Variants in ARHGAP5 observed in about 807,000 individuals in gnomAD.
The protein encoded by ARHGAP5 is rho GTPase-activating protein 5.
Under a neutral mutation model 116.6 loss-of-function variants are expected in ARHGAP5, and 23 were observed. That is an observed-to-expected ratio of 0.20 (90% confidence interval 0.14 to 0.28). The LOEUF (loss-of-function observed/expected upper bound fraction) is 0.28. ARHGAP5 is among the 10% of genes least tolerant of loss of function. The pLI is 1.00. For missense variants in ARHGAP5, 1,405 were observed against 1,774.8 expected (o/e 0.79, Z 3.74); for synonymous variants, 574 against 602.0 (o/e 0.95, Z 0.68).
chr14:32,086,241 G>A (rs2139004797), intron 1 of ARHGAP5, among the ~76,000 whole-genome samples: 1 of 152,260 alleles, frequency 6.6e-6, no homozygotes, highest in South Asian at 2.1e-4. Context: ...GAGAAAGGTA[G>A]AATAGTATTA....
Position 32,117,269 on chromosome 14 carries a change from G to A in ARHGAP5, c.3847G>A (p.Glu1283Lys), listed in dbSNP as rs1336345498. ...PIPLFVEKCV[E>K]FIEDTGLCTE... ...ACCACTATTTGTTGAGAAATGTGTGGAATTTATTGAAGATACAGGTAGGAT... is the reference window on the plus strand; with the variant it reads ...ACCACTATTTGTTGAGAAATGTGTGAAATTTATTGAAGATACAGGTAGGAT... The change falls in exon 3 of 7, where the codon GAA (glutamate) becomes AAA (lysine). Residue 1283 changes from glutamate (E) to lysine (K), a missense_variant. Transcript: ENST00000345122. 1.2e-6 allele frequency: 2 copies of A among 1,602,418 alleles called. No homozygotes were observed. The highest frequency in any genetic ancestry group is 3.4e-5 in the Admixed American group (2 of 59,256).
At chr14:32,085,275 C>T (rs765058712) in intron 1 of ARHGAP5, among the ~76,000 whole-genome samples, 54 of 152,014 alleles carry the variant, frequency 3.6e-4, no homozygotes, top group Admixed American at 7.2e-4. Flanking sequence ...AGGAGAACCC[C>T]TCTCTACAAA....
intron 6 of ARHGAP5, among the ~76,000 whole-genome samples, chr14:32,153,058 T>G (rs902230719): frequency 4.2e-5 from 6 of 142,222 alleles, no homozygotes; most frequent in African/African-American, 7.5e-5. Context: ...TTTGTTTTTT[T>G]TTTTTTTTAA....
intron 2 of ARHGAP5, among the ~76,000 whole-genome samples, chr14:32,104,016 T>C (rs1878902653): frequency 6.6e-6 from 1 of 152,158 alleles, no homozygotes; most frequent in South Asian, 2.1e-4. Flanking sequence ...CCTTTGAAAA[T>C]CTGAGTCAAG....
intron 3 of ARHGAP5, among the ~76,000 whole-genome samples, chr14:32,144,528 G>A (rs191444241): frequency 1.3e-5 from 2 of 151,938 alleles, no homozygotes; most frequent in Admixed American, 6.6e-5. Context: ...CTGTCGCCGA[G>A]GCTGGAGTGC....
rs769651926 is a variant in ARHGAP5 at position 32,093,219 on chromosome 14, G to A, written c.2550G>A (p.Gly850=). Residue 850 remains glycine, a synonymous_variant, in exon 2 of 7, where the codon GGG becomes GGA. Coordinates refer to ENST00000345122, the MANE Select transcript of ARHGAP5 (RefSeq NM_001030055.2). ...IGVRKDELVH[G]YILVYSAKRK... The stretch of plus-strand genomic sequence containing the variant: ...TAAGAAAAGATGAACTAGTTCATGG[G>A]TATATATTAGTTTACTCTGCAAAAC... 2.5e-5 allele frequency: 40 copies of A among 1,613,948 alleles called. No individual in the cohort carries two copies. Among genetic ancestry groups the A allele is most frequent in the Non-Finnish European group, 3.4e-5 (40 of 1,179,916 alleles).
chr14:32,147,215 A>G (rs1881418921), intron 4 of ARHGAP5, among the ~76,000 whole-genome samples: 1 of 152,224 alleles, frequency 6.6e-6, no homozygotes, highest in South Asian at 2.1e-4. Context: ...GTCTTAGAGT[A>G]AAGAAAAGCC....
At chr14:32,140,146 T>G (rs935591935) in intron 3 of ARHGAP5, among the ~76,000 whole-genome samples, 6 of 148,634 alleles carry the variant, frequency 4.0e-5, no homozygotes, top group African/African-American at 1.5e-4. Flanking sequence ...ACTTTAAGTT[T>G]TAGGGTACAT....
At chr14:32,094,603 T>A (rs1187203367) in intron 2 of ARHGAP5, among the ~76,000 whole-genome samples, 1 of 152,164 alleles carries the variant, frequency 6.6e-6, no homozygotes, top group African/African-American at 2.4e-5. Flanking sequence ...AGCATAAAAA[T>A]TCTTGGTGAA....
rs1882025878 is a variant in ARHGAP5 at position 32,159,557 on chromosome 14, T to A, written c.*4609T>A. On this transcript the variant is annotated 3_prime_UTR_variant, in exon 7 of 7. Coordinates refer to ENST00000345122, the MANE Select transcript of ARHGAP5 (RefSeq NM_001030055.2). The stretch of plus-strand genomic sequence containing the variant: ...ATATGTATTTGCTCACCAGATCATT[T>A]TCTTGGGACCTTGAACTGTGAATGT... The A allele has an allele frequency of 6.6e-6, 1 of 152,194 alleles. No individual in the cohort carries two copies. The highest frequency in any genetic ancestry group is 1.5e-5 in the Non-Finnish European group (1 of 68,010). 9.4% of individuals were successfully genotyped at this position (152,194 alleles called of 1,614,324 possible).
At position 32,154,917 on chromosome 14, in the gene ARHGAP5, A is replaced by T; in HGVS notation, c.4478A>T (p.Gln1493Leu). Residue 1493 changes from glutamine to leucine, a missense_variant, in exon 7 of 7, where the codon CAA (glutamine) becomes CTA (leucine). Coordinates refer to ENST00000345122, the MANE Select transcript of ARHGAP5 (RefSeq NM_001030055.2). ...PPLQPQLIQPQLQTDPLGII is the reference protein window; with the variant it reads ...PPLQPQLIQPLLQTDPLGII ...TTGCAACCTCAGCTGATACAACCACAATTACAAACGGATCCTCTTGGTATT... is the reference window on the plus strand; with the variant it reads ...TTGCAACCTCAGCTGATACAACCACTATTACAAACGGATCCTCTTGGTATT... The T allele has an allele frequency of 6.2e-7, 1 of 1,613,782 alleles. No homozygotes were observed. The highest frequency in any genetic ancestry group is 1.1e-5 in the South Asian group (1 of 91,076).
chr14:32,103,805 G>T (rs1300817883), intron 2 of ARHGAP5, among the ~76,000 whole-genome samples: 2 of 152,066 alleles, frequency 1.3e-5, no homozygotes, highest in African/African-American at 4.8e-5. Flanking sequence ...CTTAATCTGT[G>T]ACTTTTAAAG....
intron 2 of ARHGAP5, among the ~76,000 whole-genome samples, chr14:32,111,395 G>T (rs1879289530): frequency 6.6e-6 from 1 of 152,208 alleles, no homozygotes; most frequent in Non-Finnish European, 1.5e-5. Flanking sequence ...CTCTTTAGAA[G>T]TCCAGTGAAG....
intron 4 of ARHGAP5, among the ~76,000 whole-genome samples, chr14:32,147,379 G>A (rs1483946264): frequency 6.6e-6 from 1 of 152,118 alleles, no homozygotes; most frequent in African/African-American, 2.4e-5. Context: ...TCAGAAGAGA[G>A]CAACCAATAA....
chr14:32,133,376 GCTCT>G (rs1332401189), intron 3 of ARHGAP5, among the ~76,000 whole-genome samples: 1 of 151,964 alleles, frequency 6.6e-6, no homozygotes, highest in Non-Finnish European at 1.5e-5. Flanking sequence ...TCATGATTTG[GCTCT>G]CTGTCTGTTA....
At chr14:32,146,393 A>G in intron 4 of ARHGAP5, 53 bp downstream of exon 4, 1 of 1,290,406 alleles carries the variant, frequency 7.7e-7, no homozygotes, top group Non-Finnish European at 1.1e-6. Context: ...TTTCCTTGTT[A>G]GAATTCATGG....
chr14:32,141,241 G>A (rs1201009899), intron 3 of ARHGAP5, among the ~76,000 whole-genome samples: 2 of 152,116 alleles, frequency 1.3e-5, no homozygotes, highest in East Asian at 3.8e-4. Context: ...ATAGTTGGAT[G>A]CTGTTTTTCT....
Position 32,092,291 on chromosome 14 carries a change from T to A in ARHGAP5, c.1622T>A (p.Leu541His). The change falls in exon 2 of 7, where the codon CTT becomes CAT. Residue 541 changes from leucine to histidine, a missense_variant. Leu to His is a moderately conservative substitution (Grantham distance 99). Transcript: ENST00000345122. This position sits in a 1 kb window ranked among gnomAD's most constrained non-coding sequence, Gnocchi z 4.1. Reference protein sequence around the residue: ...LQKLAPDRESLLLKHIGFVYH... With the variant: ...LQKLAPDRESHLLKHIGFVYH... ...AAACTTGCACCTGATAGGGAATCCC[T>A]TCTACTTAAGCATATAGGATTTGTT... is the stretch of plus-strand genomic sequence containing the variant. The A allele has an allele frequency of 6.2e-7, 1 of 1,613,786 alleles. No homozygotes were observed. The highest frequency in any genetic ancestry group is 8.5e-7 in the Non-Finnish European group (1 of 1,179,804).
chr14:32,121,304 G>C (rs930183183), intron 3 of ARHGAP5, among the ~76,000 whole-genome samples: 2 of 151,920 alleles, frequency 1.3e-5, no homozygotes, highest in African/African-American at 4.8e-5. Context: ...TATAGCCAAT[G>C]TTTTTTCCTT....
Sources: gnomAD v4.1 joint callset for allele counts (sites outside exome capture counted in the v4.1 genomes callset) on GRCh38, gnomAD v4.1.1 for gene constraint, Gnocchi (gnomAD v3.1) non-coding constraint, MANE v1.5 for transcripts, NCBI Gene and HGNC (gene_info 2026-07-23, HGNC 2026-07-21) for gene names.